Variants in NRXN3 observed in about 807,000 individuals in gnomAD.
NRXN3 encodes the protein neurexin III.
A neutral mutation model predicts 137.6 loss-of-function variants in NRXN3; 32 were observed. The observed-to-expected ratio is 0.23, with a 90% CI of 0.18 to 0.31. NRXN3 has a LOEUF of 0.31. NRXN3 is among the 10% of genes least tolerant of loss of function. The pLI, the probability that NRXN3 is intolerant of heterozygous loss-of-function variation, is 1.00. For synonymous variants in NRXN3, 798 were observed against 784.5 expected, an observed-to-expected ratio of 1.02 and a Z score of -0.29; for missense variants, 1,574 against 2,062.5, an observed-to-expected ratio of 0.76 and a Z score of 4.59.
chr14:79,045,518 CT>C (rs1174819735), intron 15 of NRXN3, among the ~76,000 whole-genome samples: 1 of 152,104 alleles, frequency 6.6e-6, no homozygotes, highest in Non-Finnish European at 1.5e-5. Context: ...AGGGCTTTCC[CT>C]AAACCACCTA....
At chr14:79,317,681 T>A (rs997450054) in intron 15 of NRXN3, among the ~76,000 whole-genome samples, 3 of 152,188 alleles carry the variant, frequency 2.0e-5, no homozygotes, top group African/African-American at 7.2e-5. Context: ...CAAGTCATAA[T>A]GTAGAGAAGT....
chr14:78,260,376 G>A (rs568025565), intron 2 of NRXN3, among the ~76,000 whole-genome samples: 210 of 152,306 alleles, frequency 1.4e-3, no homozygotes, highest in South Asian at 7.1e-3. Flanking sequence ...CTCCTAGCCT[G>A]GGTCTGTTGG....
intron 15 of NRXN3, among the ~76,000 whole-genome samples, chr14:79,050,329 T>A (rs910869434): frequency 2.0e-5 from 3 of 152,198 alleles, no homozygotes; most frequent in African/African-American, 7.2e-5. Context: ...AGAGAGGTGG[T>A]GGCACCAATT....
chr14:79,243,956 C>T (rs188653292), intron 15 of NRXN3, among the ~76,000 whole-genome samples: 5 of 152,262 alleles, frequency 3.3e-5, no homozygotes, highest in Non-Finnish European at 7.4e-5. Flanking sequence ...ATATGCCACA[C>T]TATCATTAAC....
intron 14 of NRXN3, among the ~76,000 whole-genome samples, chr14:78,974,669 G>A (rs964529195): frequency 1.8e-4 from 28 of 152,036 alleles, no homozygotes; most frequent in African/African-American, 6.0e-4. Context: ...CTCTTTGTTT[G>A]TGGCAGGAGC....
At chr14:78,253,400 G>A (rs765865420) in intron 2 of NRXN3, among the ~76,000 whole-genome samples, 1 of 152,164 alleles carries the variant, frequency 6.6e-6, no homozygotes, top group Admixed American at 6.5e-5. Flanking sequence ...GAGTCTGGGC[G>A]CTGTGGCTCA....
chr14:78,936,559 G>T (rs2099339679), intron 10 of NRXN3, among the ~76,000 whole-genome samples: 1 of 152,196 alleles, frequency 6.6e-6, no homozygotes, highest in African/African-American at 2.4e-5. Flanking sequence ...AGAGCCATGA[G>T]AAAACTTTTG....
chr14:79,769,406 C>T (rs1336322085), intron 19 of NRXN3, among the ~76,000 whole-genome samples: 1 of 152,028 alleles, frequency 6.6e-6, no homozygotes, highest in African/African-American at 2.4e-5. Context: ...GGAAGCCCAT[C>T]AGACTAACAG....
Position 78,827,270 on chromosome 14 carries a change from C to T in NRXN3, c.2275+16926C>T, listed in dbSNP as rs562239847. 2.5e-4 allele frequency among the ~76,000 whole-genome samples: 13 copies of T among 51,664 alleles called. 1 individual carries two copies. In the South Asian group the frequency reaches 9.0e-3, roughly 36 times the overall value. 33.9% of individuals were successfully genotyped at this position (51,664 alleles called of 152,430 possible). ...AATCCTTTGGGCTAACTGAGAGGACCGAAAAAAAAAAAAAATACAAAAGAA... is the reference window on the plus strand; with the variant it reads ...AATCCTTTGGGCTAACTGAGAGGACTGAAAAAAAAAAAAAATACAAAAGAA... On this transcript the variant is annotated intron_variant, in intron 10 of 20. Transcript: ENST00000335750.
chr14:78,546,723 A>G (rs1158682493), intron 4 of NRXN3, among the ~76,000 whole-genome samples: 1 of 152,218 alleles, frequency 6.6e-6, no homozygotes, highest in Non-Finnish European at 1.5e-5. Flanking sequence ...TAATAACAAT[A>G]GCTAACACTT....
intron 15 of NRXN3, among the ~76,000 whole-genome samples, chr14:79,245,371 G>T (rs1011389084): frequency 6.6e-6 from 1 of 151,928 alleles, no homozygotes; most frequent in Non-Finnish European, 1.5e-5. Context: ...CATGGGAAGA[G>T]AAAGGGAGAG....
chr14:79,458,220 C>T (rs1410161874), intron 15 of NRXN3, among the ~76,000 whole-genome samples: 1 of 152,050 alleles, frequency 6.6e-6, no homozygotes, highest in Non-Finnish European at 1.5e-5. Context: ...AACAATTTGA[C>T]TAAAAATGGG....
rs148974644 is a variant in NRXN3, at chr14:79,395,862, T to G, written c.3263-71359T>G. ...TATAAAACAATGAAATAAATTTCAT[T>G]AGTGGCTCAGAAACTAGATCTGAGA... On this transcript the variant is annotated intron_variant, in intron 15 of 20. Transcript: ENST00000335750. Among the ~76,000 whole-genome samples the G allele has an allele frequency of 2.0e-4, 31 of 152,072 alleles. No individual in the cohort carries two copies. The East Asian group carries it at 5.8e-3, about 28-fold the overall frequency.
chr14:78,773,288 GGA>G (rs1375247435), intron 8 of NRXN3, among the ~76,000 whole-genome samples: 3 of 152,124 alleles, frequency 2.0e-5, no homozygotes, highest in Non-Finnish European at 4.4e-5. Flanking sequence ...ACTATGGGTG[GGA>G]GAGTCTGAGG....
chr14:78,717,674 T>C (rs752992585), intron 8 of NRXN3, among the ~76,000 whole-genome samples: 20 of 152,178 alleles, frequency 1.3e-4, no homozygotes, highest in Non-Finnish European at 2.4e-4. Flanking sequence ...TCATTTTTCC[T>C]GCAGGAAGTT....
intron 17 of NRXN3, among the ~76,000 whole-genome samples, chr14:79,667,017 A>G (rs886551275): frequency 6.6e-6 from 1 of 151,964 alleles, no homozygotes; most frequent in Non-Finnish European, 1.5e-5. Flanking sequence ...AGCCTTGGAT[A>G]CCTTATTTTC....
intron 10 of NRXN3, among the ~76,000 whole-genome samples, chr14:78,925,020 T>A (rs1302499596): frequency 6.6e-6 from 1 of 152,130 alleles, no homozygotes; most frequent in Non-Finnish European, 1.5e-5. Flanking sequence ...CCAATAGCAA[T>A]GGCAAACAAG....
At chr14:78,460,174 G>A (rs1041687294) in intron 4 of NRXN3, among the ~76,000 whole-genome samples, 42 of 152,306 alleles carry the variant, frequency 2.8e-4, no homozygotes, top group African/African-American at 8.9e-4. Context: ...GGGGTTTGGC[G>A]CTTCCATGCC....
At chr14:79,404,601 C>T (rs905801479) in intron 15 of NRXN3, among the ~76,000 whole-genome samples, 1 of 152,070 alleles carries the variant, frequency 6.6e-6, no homozygotes, top group African/African-American at 2.4e-5. Context: ...TGGATTTAAA[C>T]TAGGGGCATA....
Sources: gnomAD v4.1 joint callset for allele counts (sites outside exome capture counted in the v4.1 genomes callset) on GRCh38, gnomAD v4.1.1 for gene constraint, MANE v1.5 for transcripts, NCBI Gene and HGNC (gene_info 2026-07-23, HGNC 2026-07-21) for gene names.